The following LRPAP1 variants were observed in gnomAD, a reference collection of about 807,000 sequenced individuals.
LRPAP1 encodes the protein LDL receptor related protein associated protein 1, also known as alpha-2-macroglobulin receptor-associated protein.
In LRPAP1, 41 loss-of-function variants were observed where a neutral mutation model predicts 39.9. The ratio of observed to expected loss-of-function variants is 1.03; its 90% CI spans 0.80 to 1.33. LRPAP1 has a LOEUF of 1.33. LRPAP1 is among the 40% of genes most tolerant of loss of function. The probability of loss-of-function intolerance (pLI) is 0.00; values close to 1 mark genes in which losing one functional copy is unlikely to be tolerated. For synonymous variants in LRPAP1, 263 were observed against 212.7 expected, an observed-to-expected ratio of 1.24 and a Z score of -2.06; for missense variants, 565 against 482.3, an observed-to-expected ratio of 1.17 and a Z score of -1.61.
intron 2 of LRPAP1, among the ~76,000 whole-genome samples, chr4:3,524,555 C>T (rs1479928583): frequency 2.0e-5 from 3 of 152,326 alleles, no homozygotes; most frequent in East Asian, 1.9e-4. Flanking sequence ...CATCTGTGCT[C>T]GGAGGATAGC....
In LRPAP1 at chr4:3,520,167, C is replaced by T. The variant is rs780228986; in HGVS notation, c.376G>A (p.Gly126Arg). 20 of 1,613,986 alleles carry T rather than the reference C, an allele frequency of 1.2e-5. No homozygotes were observed. Among genetic ancestry groups the T allele is most frequent in the Non-Finnish European group, 1.4e-5 (16 of 1,180,020 alleles). The change falls in exon 3 of 8, where the codon GGA becomes AGA. Residue 126 changes from glycine (G) to arginine (R), a missense_variant. By Grantham distance (125) the Gly-to-Arg change is moderately radical. Transcript: ENST00000650182. Reference protein sequence around the residue: ...NVILAKYGLDGKKDARQVTSN... With the variant: ...NVILAKYGLDRKKDARQVTSN... Reference sequence around the variant, plus strand: ...GTCACCTGCCGAGCGTCCTTCTTTCCGTCCAGACCATACTTGGCCAAGATG... The same window carrying T: ...GTCACCTGCCGAGCGTCCTTCTTTCTGTCCAGACCATACTTGGCCAAGATG...
intron 5 of LRPAP1, chr4:3,517,666 G>C (rs1560255295): frequency 5.7e-6 from 1 of 174,830 alleles, no homozygotes; most frequent in Non-Finnish European, 1.2e-5. Flanking sequence ...GATGGACGGT[G>C]TGGGTGGCAT....
intron 1 of LRPAP1, among the ~76,000 whole-genome samples, chr4:3,525,995 G>A (rs1008220152): frequency 3.9e-5 from 6 of 152,220 alleles, no homozygotes; most frequent in African/African-American, 9.6e-5. Flanking sequence ...TCAGGGAAGC[G>A]AAGGCTCTTC....
intron 2 of LRPAP1, among the ~76,000 whole-genome samples, chr4:3,524,155 C>T (rs1730007575): frequency 6.6e-6 from 1 of 152,292 alleles, no homozygotes; most frequent in Non-Finnish European, 1.5e-5. Context: ...CCCGCCAGTG[C>T]CCTGCCGACG....
At chr4:3,529,505 G>C (rs1251162794) in intron 1 of LRPAP1, among the ~76,000 whole-genome samples, 1 of 152,114 alleles carries the variant, frequency 6.6e-6, no homozygotes, top group Non-Finnish European at 1.5e-5. Flanking sequence ...GCTCTGAAGA[G>C]GCAGAGTCCT....
At chr4:3,525,139 G>A (rs565177944) in intron 1 of LRPAP1, 88 bp from the exon 2 acceptor site, 29 of 1,441,734 alleles carry the variant, frequency 2.0e-5, no homozygotes, top group African/African-American at 1.5e-4. Flanking sequence ...GCTGGCCACC[G>A]GGAGGTTCTG....
rs1729551043 is a variant in LRPAP1 at position 3,512,306 on chromosome 4, C to G, written c.*668G>C. On this transcript the variant is annotated 3_prime_UTR_variant, in exon 8 of 8. Transcript: ENST00000650182. ...GGTGAGGTCTCCCGAGGTCCCTGAG[C>G]TGCAGAGGTGAGAGTTGAAAGACGC... 6.6e-6 allele frequency: 1 copy of G among 152,504 alleles called. No individual in the cohort carries two copies. The highest frequency in any genetic ancestry group is 6.5e-5 in the Admixed American group (1 of 15,292). The allele number at this position is 152,504 out of a possible 1,614,324, so 9.4% of individuals were successfully genotyped here. A position where few individuals can be genotyped will look rare whatever the true frequency, so the allele number is the denominator to read the frequency against.
At chr4:3,519,158 A>T (rs1195724157) in intron 3 of LRPAP1, among the ~76,000 whole-genome samples, 167 bp from the exon 4 acceptor site, 4 of 152,164 alleles carry the variant, frequency 2.6e-5, no homozygotes, top group Non-Finnish European at 5.9e-5. Context: ...ACCGGAGAAG[A>T]GCTGCCGGCA....
chr4:3,529,642 CAG>C lies in LRPAP1; in HGVS notation c.204+2565_204+2566del, dbSNP rs995001700. 1.1e-4 allele frequency among the ~76,000 whole-genome samples: 17 copies of C among 152,308 alleles called. 5 individuals carry two copies. Among genetic ancestry groups the C allele is most frequent in the Admixed American group, 1.3e-4 (2 of 15,300 alleles). On this transcript the variant is annotated intron_variant, in intron 1 of 7. Transcript: ENST00000650182. Reference sequence around the variant, plus strand: ...TGTGAAAGAGGAACTGGGAGAGTCACAGAAAGTCAAGATTCAAGTTGCTGGAG... The same window carrying C: ...TGTGAAAGAGGAACTGGGAGAGTCACAAAGTCAAGATTCAAGTTGCTGGAG...
rs1377913620 is a variant in LRPAP1 at position 3,504,783 on chromosome 4, A to G, written c.*8191T>C. 1.3e-5 allele frequency among the ~76,000 whole-genome samples: 2 copies of G among 149,810 alleles called. No homozygotes were observed. Among genetic ancestry groups the G allele is most frequent in the African/African-American group, 2.5e-5 (1 of 40,660 alleles). ...AAAAAAACCAAAAAACAAAACACAC[A>G]CACACACAGAAAAATTAGCTGGGTA... is the stretch of plus-strand genomic sequence containing the variant. On this transcript the variant is annotated 3_prime_UTR_variant, in exon 8 of 8. Coordinates refer to ENST00000650182, the MANE Select transcript of LRPAP1 (RefSeq NM_002337.4).
At position 3,505,668 on chromosome 4, in the gene LRPAP1, C is replaced by T. The variant is rs1181501513; in HGVS notation, c.*7306G>A. On this transcript the variant is annotated 3_prime_UTR_variant, in exon 8 of 8. Coordinates refer to ENST00000650182, the MANE Select transcript of LRPAP1 (RefSeq NM_002337.4). Reference sequence around the variant, plus strand: ...GCTACCCCAAGACCGTCTATACCAGCTACCCCAAGACCGTCTATACCAGCT... The same window carrying T: ...GCTACCCCAAGACCGTCTATACCAGTTACCCCAAGACCGTCTATACCAGCT... 6.6e-6 allele frequency among the ~76,000 whole-genome samples: 1 copy of T among 152,204 alleles called. No homozygotes were observed. The highest frequency in any genetic ancestry group is 2.4e-5 in the African/African-American group (1 of 41,450).
At chr4:3,521,249 C>T (rs530225005) in intron 2 of LRPAP1, among the ~76,000 whole-genome samples, 79 of 152,348 alleles carry the variant, frequency 5.2e-4, no homozygotes, top group South Asian at 1.0e-3. Context: ...CCTTCCCCTC[C>T]GGGCCGAGAG....
chr4:3,505,167 G>A lies in LRPAP1; in HGVS notation c.*7807C>T, dbSNP rs1319205889. The stretch of plus-strand genomic sequence containing the variant: ...AGCTGCAGGTTGTGCCTGAGCTCAC[G>A]GACACGAGGAAGAAGGGCGACCGTG... On this transcript the variant is annotated 3_prime_UTR_variant, in exon 8 of 8. Coordinates refer to ENST00000650182, the MANE Select transcript of LRPAP1 (RefSeq NM_002337.4). Among the ~76,000 whole-genome samples the A allele has an allele frequency of 6.6e-6, 1 of 152,166 alleles. No individual in the cohort carries two copies. Among genetic ancestry groups the A allele is most frequent in the Non-Finnish European group, 1.5e-5 (1 of 68,034 alleles).
At chr4:3,520,372 G>A (rs1368021802) in intron 2 of LRPAP1, 179 bp from the exon 3 acceptor site, 23 of 635,056 alleles carry the variant, frequency 3.6e-5, no homozygotes, top group East Asian at 1.4e-4. Context: ...GTAAACAAGC[G>A]TGGGGTCTGT....
At position 3,514,921 on chromosome 4, in the gene LRPAP1, AG is replaced by A; in HGVS notation, c.841del (p.Leu281SerfsTer25). 6.2e-7 allele frequency: 1 copy of A among 1,613,548 alleles called. No homozygotes were observed. The highest frequency in any genetic ancestry group is 8.5e-7 in the Non-Finnish European group (1 of 1,179,788). ...DKELEAFREE[L>X]KHFEAKIEKH... Reference sequence around the variant, plus strand: ...CTCGATTTTGGCTTCGAAGTGCTTGAGCTCCTCCTGGAACAAGGTTTCCATA... The same window carrying A: ...CTCGATTTTGGCTTCGAAGTGCTTGACTCCTCCTGGAACAAGGTTTCCATA... On this transcript the variant is annotated frameshift_variant, in exon 7 of 8. Coordinates refer to ENST00000650182, the MANE Select transcript of LRPAP1 (RefSeq NM_002337.4). LOFTEE classifies it high-confidence loss of function.
At position 3,532,279 on chromosome 4, in the gene LRPAP1, G is replaced by T. The variant is rs1178952335; in HGVS notation, c.134C>A (p.Ser45Tyr). 2.6e-6 allele frequency: 4 copies of T among 1,558,890 alleles called. No individual in the cohort carries two copies. The African/African-American group carries it at 5.4e-5, about 21-fold the overall frequency. ...CTCCTCTCCGGACTCGCGTTTCGGG[G>T]ACGGCTTGGGCTGGTTCTTCTCCCG... ...YSREKNQPKP[S>Y]PKRESGEEFR... The change falls in exon 1 of 8, where the codon TCC (serine) becomes TAC (tyrosine). Residue 45 changes from serine to tyrosine, a missense_variant. Coordinates refer to ENST00000650182, the MANE Select transcript of LRPAP1 (RefSeq NM_002337.4).
chr4:3,531,755 G>A (rs1179428940), intron 1 of LRPAP1, among the ~76,000 whole-genome samples: 2 of 152,370 alleles, frequency 1.3e-5, no homozygotes, highest in East Asian at 3.9e-4. Flanking sequence ...TCGCTCAAAT[G>A]AACAAGCACG....
intron 2 of LRPAP1, among the ~76,000 whole-genome samples, chr4:3,520,996 G>A (rs1391938730): frequency 1.3e-5 from 2 of 152,230 alleles, no homozygotes; most frequent in East Asian, 1.9e-4. Flanking sequence ...CACTTGGGAT[G>A]TGAGAGCAGA....
intron 1 of LRPAP1, among the ~76,000 whole-genome samples, chr4:3,531,259 A>G (rs1376771388): frequency 6.6e-6 from 1 of 151,978 alleles, no homozygotes; most frequent in Non-Finnish European, 1.5e-5. Flanking sequence ...CAGTCTTATA[A>G]CCGTCTGTCG....
Sources: gnomAD v4.1 joint callset for allele counts (sites outside exome capture counted in the v4.1 genomes callset) on GRCh38, gnomAD v4.1.1 for gene constraint, MANE v1.5 for transcripts, NCBI Gene and HGNC (gene_info 2026-07-23, HGNC 2026-07-21) for gene names.